The following KCNK9 variants were observed in gnomAD, a reference collection of about 807,000 sequenced individuals.
KCNK9 encodes potassium two pore domain channel subfamily K member 9.
Under a neutral mutation model 10.8 loss-of-function variants are expected in KCNK9, and 1 was observed. That is an observed-to-expected ratio of 0.09 (90% CI 0.03 to 0.44). The LOEUF (loss-of-function observed/expected upper bound fraction) is 0.44, where lower values mean the gene tolerates loss of function less well. Ranked by LOEUF, KCNK9 falls within the 20% of genes least tolerant of loss-of-function variation. KCNK9 has a pLI of 0.97. For missense variants in KCNK9, 303 were observed against 515.0 expected, an observed-to-expected ratio of 0.59 and a Z score of 3.98; for synonymous variants, 231 against 222.7, an observed-to-expected ratio of 1.04 and a Z score of -0.33.
chr8:139,618,973 C>T lies in KCNK9; in HGVS notation c.410G>A (p.Arg137His), dbSNP rs758314044. The change falls in exon 2 of 2, where the codon CGC becomes CAC. Residue 137 changes from arginine to histidine, a missense_variant. Coordinates refer to ENST00000520439, the MANE Select transcript of KCNK9 (RefSeq NM_001282534.2). This position sits in a 1 kb window ranked among gnomAD's most constrained non-coding sequence, Gnocchi z 7.9. ...SLGERMNTFVRYLLKRIKKCC... is the reference protein window; with the variant it reads ...SLGERMNTFVHYLLKRIKKCC... The stretch of plus-strand genomic sequence containing the variant: ...CTTCTTAATGCGCTTCAGCAGGTAG[C>T]GCACGAAGGTGTTCATGCGCTCGCC... The T allele has an allele frequency of 6.2e-6, 10 of 1,614,066 alleles. No individual in the cohort carries two copies. The highest frequency in any genetic ancestry group is 6.8e-6 in the Non-Finnish European group (8 of 1,180,032).
At chr8:139,606,157 T>TG (rs1417278480) in intron 2 of KCNK9, among the ~76,000 whole-genome samples, 2 of 152,124 alleles carry the variant, frequency 1.3e-5, no homozygotes, top group African/African-American at 4.8e-5. Context: ...GGGAGGAAGG[T>TG]GGGTCCTGGT....
At chr8:139,663,805 G>A (rs576204522) in intron 1 of KCNK9, among the ~76,000 whole-genome samples, 24 of 152,244 alleles carry the variant, frequency 1.6e-4, no homozygotes, top group African/African-American at 5.5e-4. Context: ...CCAGTCCCCA[G>A]AAATGAGAGA....
At chr8:139,700,912 C>G (rs775529024) in intron 1 of KCNK9, among the ~76,000 whole-genome samples, 1 of 152,194 alleles carries the variant, frequency 6.6e-6, no homozygotes, top group African/African-American at 2.4e-5. Flanking sequence ...GCTCAACTCT[C>G]GGGATCAGCC....
In KCNK9 at chr8:139,603,079, A is replaced by G. The variant is rs576925986; in HGVS notation, c.*1-1478T>C. 2.6e-5 allele frequency among the ~76,000 whole-genome samples: 4 copies of G among 152,332 alleles called. No homozygotes were observed. The East Asian group carries it at 5.8e-4, about 22-fold the overall frequency. On this transcript the variant is annotated intron_variant, in intron 2 of 2. Coordinates refer to the KCNK9 transcript ENST00000650269. ...TCAGATCATCCCAAATGTAAACTGC[A>G]CAGAACTTAGTGAAAATCTAACCAC...
intron 1 of KCNK9, among the ~76,000 whole-genome samples, chr8:139,666,438 C>T (rs909931091): frequency 1.3e-5 from 2 of 152,234 alleles, no homozygotes; most frequent in Admixed American, 6.5e-5. Context: ...ATGAGTCGGC[C>T]GTCCGGTGGC....
In KCNK9 at chr8:139,647,586, T is replaced by C. The variant is rs548500333; in HGVS notation, c.284-28487A>G. On this transcript the variant is annotated intron_variant, in intron 1 of 1. Coordinates refer to ENST00000520439, the MANE Select transcript of KCNK9 (RefSeq NM_001282534.2). ...AGCTATGCAAAGGCCCTGAGACACC[T>C]ACCTGCATGCTGGCCAGATGGAGGA... 3.3e-5 allele frequency among the ~76,000 whole-genome samples: 5 copies of C among 152,248 alleles called. No homozygotes were observed. The East Asian group carries it at 9.7e-4, about 29-fold the overall frequency.
chr8:139,692,749 C>G (rs1281427791), intron 1 of KCNK9, among the ~76,000 whole-genome samples: 1 of 152,180 alleles, frequency 6.6e-6, no homozygotes, highest in Admixed American at 6.5e-5. Context: ...CCTAGGTCCA[C>G]CTGGCATCAG....
chr8:139,617,435 G>GTTGA lies in KCNK9; in HGVS notation c.*819_*822dup, dbSNP rs1414135443. 2.6e-5 allele frequency among the ~76,000 whole-genome samples: 4 copies of GTTGA among 152,014 alleles called. No individual in the cohort carries two copies. On this transcript the variant is annotated 3_prime_UTR_variant, in exon 2 of 2. Coordinates refer to ENST00000520439, the MANE Select transcript of KCNK9 (RefSeq NM_001282534.2). ...GGATTATTCCATTTCTAGTTTTTTTGTTGATAGCGCATACCAGTTTAACAA... is the reference window on the plus strand; with the variant it reads ...GGATTATTCCATTTCTAGTTTTTTTGTTGATTGATAGCGCATACCAGTTTAACAA...
intron 1 of KCNK9, among the ~76,000 whole-genome samples, chr8:139,637,134 A>T (rs1358080489): frequency 6.6e-6 from 1 of 152,254 alleles, no homozygotes; most frequent in East Asian, 1.9e-4. Flanking sequence ...TGTACAAGGC[A>T]TGTGCACTTG....
chr8:139,677,830 C>T (rs936095317), intron 1 of KCNK9, among the ~76,000 whole-genome samples: 3 of 47,312 alleles, frequency 6.3e-5, no homozygotes, highest in South Asian at 9.1e-4. Context: ...GTCCCCACAG[C>T]TGCAGAGTAG....
At chr8:139,696,332 C>G (rs760326024) in intron 1 of KCNK9, among the ~76,000 whole-genome samples, 11 of 152,100 alleles carry the variant, frequency 7.2e-5, no homozygotes, top group Non-Finnish European at 1.5e-4. Context: ...ATTCACTGAG[C>G]AATACATTTG....
chr8:139,620,908 T>TC (rs1253514813), intron 1 of KCNK9, among the ~76,000 whole-genome samples: 5 of 150,838 alleles, frequency 3.3e-5, no homozygotes, highest in African/African-American at 1.2e-4. Context: ...AAATAAAGCC[T>TC]GGGGGGAGCT....
chr8:139,638,771 G>A (rs965868275), intron 1 of KCNK9, among the ~76,000 whole-genome samples: 28 of 152,296 alleles, frequency 1.8e-4, no homozygotes, highest in African/African-American at 5.1e-4. Flanking sequence ...CTCAGCACCC[G>A]CTGTGGGATG....
At chr8:139,658,805 C>G (rs1263945343) in intron 1 of KCNK9, among the ~76,000 whole-genome samples, 1 of 152,268 alleles carries the variant, frequency 6.6e-6, no homozygotes, top group Non-Finnish European at 1.5e-5. Flanking sequence ...AGGTGGCTCT[C>G]CTTCTGGGCT....
At chr8:139,692,813 G>C (rs1816960748) in intron 1 of KCNK9, among the ~76,000 whole-genome samples, 1 of 152,140 alleles carries the variant, frequency 6.6e-6, no homozygotes, top group Non-Finnish European at 1.5e-5. Context: ...TGGCACCCAT[G>C]AGTGGCCTGG....
downstream of KCNK9, among the ~76,000 whole-genome samples, chr8:139,608,235 C>A (rs1814298094): frequency 6.6e-6 from 1 of 152,162 alleles, no homozygotes; most frequent in African/African-American, 2.4e-5. Flanking sequence ...GTCCTGCCTC[C>A]CCACCGACTC....
At chr8:139,624,203 C>G (rs1420067078) in intron 1 of KCNK9, among the ~76,000 whole-genome samples, 1 of 152,196 alleles carries the variant, frequency 6.6e-6, no homozygotes, top group African/African-American at 2.4e-5. Flanking sequence ...TAGGGGGATG[C>G]TGAGTTAGAC....
At chr8:139,601,364 C>T (rs1209246460) in exon 3 of KCNK9, 6 of 152,224 alleles carry the variant, frequency 3.9e-5, no homozygotes, top group African/African-American at 1.4e-4. Flanking sequence ...AGTCGGCTCT[C>T]AGGTGGACTT....
chr8:139,617,779 C>T lies in KCNK9; in HGVS notation c.*479G>A, dbSNP rs1201389554. On this transcript the variant is annotated 3_prime_UTR_variant, in exon 2 of 2. Coordinates refer to ENST00000520439, the MANE Select transcript of KCNK9 (RefSeq NM_001282534.2). ...ACACACGTGCACACAGAAGCACACACACAACACACACACAGTCACTCAGTC... is the reference window on the plus strand; with the variant it reads ...ACACACGTGCACACAGAAGCACACATACAACACACACACAGTCACTCAGTC... Among the ~76,000 whole-genome samples, 1 of 152,164 alleles carries T rather than the reference C, an allele frequency of 6.6e-6. No individual in the cohort carries two copies. The highest frequency in any genetic ancestry group is 1.5e-5 in the Non-Finnish European group (1 of 68,032).
Sources: gnomAD v4.1 joint callset for allele counts (sites outside exome capture counted in the v4.1 genomes callset) on GRCh38, gnomAD v4.1.1 for gene constraint, Gnocchi (gnomAD v3.1) non-coding constraint, MANE v1.5 for transcripts, NCBI Gene and HGNC (gene_info 2026-07-23, HGNC 2026-07-21) for gene names.